AGAP2: variants seen among roughly 807,000 people sequenced by gnomAD.
AGAP2 encodes the protein arf-GAP with GTPase, ANK repeat and PH domain-containing protein 2.
AGAP2 carries 32 observed loss-of-function variants against 110.9 expected under a neutral mutation model. That is an observed-to-expected ratio of 0.29 (90% CI 0.22 to 0.39). The LOEUF (loss-of-function observed/expected upper bound fraction) is 0.39, where lower values mean the gene tolerates loss of function less well. Among genes scored for constraint, AGAP2 ranks in the 10% least tolerant of loss-of-function variants. The pLI is 1.00. For synonymous variants in AGAP2, 702 were observed against 713.0 expected (o/e 0.98, Z 0.25); for missense variants, 1,285 against 1,638.5 (o/e 0.78, Z 3.72).
At position 57,737,357 on chromosome 12, in the gene AGAP2, GGTGGGAGGGTTA is replaced by G; in HGVS notation, c.878_889del (p.Leu293_Pro296del). ...GACAGCAGTGGCTGGACTCGGAGTT[GGTGGGAGGGTTA>G]GCGGAGGAGGAGAGCCGGCAGGCGG... On this transcript the variant is annotated inframe_deletion, in exon 1 of 19. Transcript: ENST00000547588. This position sits in a 1 kb window ranked among gnomAD's most constrained non-coding sequence, Gnocchi z 5.9. The G allele has an allele frequency of 1.2e-6, 2 of 1,613,852 alleles. No homozygotes were observed. Among genetic ancestry groups the G allele is most frequent in the Non-Finnish European group, 1.7e-6 (2 of 1,179,830 alleles).
rs1489236186 is a variant in AGAP2 at position 57,734,125 on chromosome 12, C to T, written c.1450G>A (p.Glu484Lys). The T allele has an allele frequency of 6.2e-7, 1 of 1,613,538 alleles. No individual in the cohort carries two copies. The highest frequency in any genetic ancestry group is 8.5e-7 in the Non-Finnish European group (1 of 1,179,668). The change falls in exon 5 of 19, where the codon GAG becomes AAG. Residue 484 changes from glutamate (E) to lysine (K), a missense_variant. By Grantham distance (56) the Glu-to-Lys change is moderately conservative (BLOSUM62 1). This residue lies in a region of AGAP2 where 844 missense variants were observed against 941.2 expected (regional missense o/e 0.90). Coordinates refer to ENST00000547588, the MANE Select transcript of AGAP2 (RefSeq NM_001122772.3). ...AVIFVFSLED[E>K]NSFQAVSRLH... ...CGGCTCACAGCCTGGAAACTGTTCTCATCCTCCAGGCTGAAGACGAAGATC... is the reference window on the plus strand; with the variant it reads ...CGGCTCACAGCCTGGAAACTGTTCTTATCCTCCAGGCTGAAGACGAAGATC...
Position 57,726,568 on chromosome 12 carries a change from G to T in AGAP2, c.3563C>A (p.Pro1188Gln). The change falls in exon 19 of 19, where the codon CCG becomes CAG. Residue 1188 changes from proline to glutamine, a missense_variant. Pro to Gln is a moderately conservative substitution (Grantham distance 76, BLOSUM62 -1). This residue lies in a region of AGAP2 where 201 missense variants were observed against 276.1 expected (regional missense o/e 0.73). Coordinates refer to ENST00000547588, the MANE Select transcript of AGAP2 (RefSeq NM_001122772.3). The surrounding 1 kb of genome is among the most constrained non-coding windows in gnomAD (Gnocchi z 5.7). Reference protein sequence around the residue: ...SAASVGRADAPVALV With the variant: ...SAASVGRADAQVALV ...GCTGGGCAACTATACCAGCGCAACC[G>T]GGGCGTCGGCGCGGCCCACGCTAGC... is the stretch of plus-strand genomic sequence containing the variant. 1 of 1,209,818 alleles carries T rather than the reference G, an allele frequency of 8.3e-7. No individual in the cohort carries two copies. Among genetic ancestry groups the T allele is most frequent in the Non-Finnish European group, 1.0e-6 (1 of 972,852 alleles). 74.9% of individuals were successfully genotyped at this position (1,209,818 alleles called of 1,614,324 possible).
At chr12:57,735,915 A>C (rs1472491939) in intron 1 of AGAP2, among the ~76,000 whole-genome samples, 2 of 152,106 alleles carry the variant, frequency 1.3e-5, no homozygotes, top group Non-Finnish European at 2.9e-5. Flanking sequence ...CCCCTTCTTC[A>C]AGGTCAACGG....
rs766330272 is a variant in AGAP2 at position 57,737,821 on chromosome 12, G to C, written c.426C>G (p.Arg142=). The change falls in exon 1 of 19, where the codon CGC becomes CGG. Residue 142 remains arginine, a synonymous_variant. Coordinates refer to ENST00000547588, the MANE Select transcript of AGAP2 (RefSeq NM_001122772.3). The surrounding 1 kb of genome is among the most constrained non-coding windows in gnomAD (Gnocchi z 5.9). ...KPGGAPTSSR[R]PLLSSPSWGG... ...CCCAGCTCGGGCTGCTGAGCAGGGG[G>C]CGCCGGGAGGAGGTGGGGGCGCCCC... is the stretch of plus-strand genomic sequence containing the variant. 1.6e-4 allele frequency: 234 copies of C among 1,496,352 alleles called. 1 individual carries two copies. The highest frequency in any genetic ancestry group is 2.0e-4 in the Non-Finnish European group (225 of 1,133,476). 92.7% of individuals were successfully genotyped at this position (1,496,352 alleles called of 1,614,324 possible).
At position 57,726,425 on chromosome 12, in the gene AGAP2, G is replaced by A. The variant is rs1354732992; in HGVS notation, c.*127C>T. 6.2e-6 allele frequency: 6 copies of A among 967,010 alleles called. No individual in the cohort carries two copies. In the East Asian group the frequency reaches 2.0e-4, roughly 32 times the overall value. 59.9% of individuals were successfully genotyped at this position (967,010 alleles called of 1,614,324 possible). ...GGCGTGGGGGCTGTGCCCTCGTGGG[G>A]GTAGGAAGTGCTCCCGTGGGGCGGG... is the stretch of plus-strand genomic sequence containing the variant. On this transcript the variant is annotated 3_prime_UTR_variant, in exon 19 of 19. Transcript: ENST00000547588. This position sits in a 1 kb window ranked among gnomAD's most constrained non-coding sequence, Gnocchi z 5.7.
In AGAP2 at chr12:57,737,686, G is replaced by A. The variant is rs1455656775; in HGVS notation, c.561C>T (p.Pro187=). ...RLKVAPPPPA[P]KPCKTVTTSG... ...TCGTGGTCACGGTCTTGCAAGGCTT[G>A]GGAGCCGGCGGAGGAGGCGCCACCT... The change falls in exon 1 of 19, where the codon CCC becomes CCT. Residue 187 remains proline (P), a synonymous_variant. Transcript: ENST00000547588. This position sits in a 1 kb window ranked among gnomAD's most constrained non-coding sequence, Gnocchi z 5.9. The A allele has an allele frequency of 6.5e-7, 1 of 1,549,168 alleles. No individual in the cohort carries two copies. The highest frequency in any genetic ancestry group is 8.7e-7 in the Non-Finnish European group (1 of 1,149,292).
In AGAP2 at chr12:57,730,880, G is replaced by A. The variant is rs1293279944; in HGVS notation, c.2219C>T (p.Pro740Leu). ...GCCAAAGGCAGAGATGGCCCTCGGG[G>A]GCCGCTTGCCCGGGACTTTGACTGT... is the stretch of plus-strand genomic sequence containing the variant. Reference protein sequence around the residue: ...RTTVKVPGKRPPRAISAFGPS... With the variant: ...RTTVKVPGKRLPRAISAFGPS... The change falls in exon 11 of 19, where the codon CCC becomes CTC. Residue 740 changes from proline (P) to leucine (L), a missense_variant. By Grantham distance (98) the Pro-to-Leu change is moderately conservative (BLOSUM62 -3). Coordinates refer to ENST00000547588, the MANE Select transcript of AGAP2 (RefSeq NM_001122772.3). 1.2e-6 allele frequency: 2 copies of A among 1,610,756 alleles called. No individual in the cohort carries two copies. Among genetic ancestry groups the A allele is most frequent in the Admixed American group, 1.7e-5 (1 of 59,498 alleles).
chr12:57,737,422 G>A lies in AGAP2; in HGVS notation c.825C>T (p.Thr275=). 1 of 1,613,804 alleles carries A rather than the reference G, an allele frequency of 6.2e-7. No individual in the cohort carries two copies. Among genetic ancestry groups the A allele is most frequent in the South Asian group, 1.1e-5 (1 of 91,088 alleles). ...KLSPRKGKSK[T]LDNSDLHPGP... Reference sequence around the variant, plus strand: ...CCGGATGCAAGTCACTGTTGTCCAAGGTCTTACTCTTGCCTTTCCGAGGGG... The same window carrying A: ...CCGGATGCAAGTCACTGTTGTCCAAAGTCTTACTCTTGCCTTTCCGAGGGG... Residue 275 remains threonine, a synonymous_variant, in exon 1 of 19, where the codon ACC becomes ACT. Coordinates refer to ENST00000547588, the MANE Select transcript of AGAP2 (RefSeq NM_001122772.3). The surrounding 1 kb of genome is among the most constrained non-coding windows in gnomAD (Gnocchi z 5.9).
chr12:57,738,023 G>T lies in AGAP2; in HGVS notation c.224C>A (p.Ala75Glu). 6 of 1,516,046 alleles carry T rather than the reference G, an allele frequency of 4.0e-6. No homozygotes were observed. Among genetic ancestry groups the T allele is most frequent in the Non-Finnish European group, 5.3e-6 (6 of 1,137,892 alleles). The allele number at this position is 1,516,046 out of a possible 1,614,324, so 93.9% of individuals were successfully genotyped here. Residue 75 changes from alanine to glutamate, a missense_variant, in exon 1 of 19, where the codon GCG (alanine) becomes GAG (glutamate). Physicochemically the swap from Ala to Glu is moderately radical, Grantham distance 107 (BLOSUM62 -1). Transcript: ENST00000547588. The surrounding 1 kb of genome is among the most constrained non-coding windows in gnomAD (Gnocchi z 6.7). Reference protein sequence around the residue: ...RHERLFHRQDALWISTSSAGT... With the variant: ...RHERLFHRQDELWISTSSAGT... ...CGCGCTGCTCGTGCTGATCCACAGC[G>T]CATCCTGCCGGTGGAAGAGACGTTC...
In AGAP2 at chr12:57,727,463, G is replaced by A; in HGVS notation, c.2977C>T (p.Arg993Trp). The A allele has an allele frequency of 6.2e-7, 1 of 1,613,694 alleles. No individual in the cohort carries two copies. The highest frequency in any genetic ancestry group is 8.5e-7 in the Non-Finnish European group (1 of 1,179,926). The change falls in exon 17 of 19, where the codon CGG (arginine) becomes TGG (tryptophan). Residue 993 changes from arginine (R) to tryptophan (W), a missense_variant. Transcript: ENST00000547588. The part of the protein sequence containing the change: ...VRSLDLDDWP[R>W]ELTLVLTAIG... Reference sequence around the variant, plus strand: ...GCCGTCAGCACCAGGGTCAGCTCCCGTGGCCAGTCGTCCAAGTCCAGCGAG... The same window carrying A: ...GCCGTCAGCACCAGGGTCAGCTCCCATGGCCAGTCGTCCAAGTCCAGCGAG...
chr12:57,733,108 T>C, intron 5 of AGAP2, 129 bp from the exon 6 acceptor site: 1 of 1,230,146 alleles, frequency 8.1e-7, no homozygotes, highest in Non-Finnish European at 1.1e-6. Context: ...AGATCATCTT[T>C]TCTGTGACCA....
rs138992134 is a variant in AGAP2 at position 57,732,416 on chromosome 12, G to A, written c.1781C>T (p.Pro594Leu). The A allele has an allele frequency of 1.7e-5, 28 of 1,604,168 alleles. No individual in the cohort carries two copies. The South Asian group carries it at 2.0e-4, about 12-fold the overall frequency. ...SSPSHSAAST[P>L]VAGQASNGGH... ...ACCCCAACTCACCTGGCCAGCTACC[G>A]GAGTGGATGCAGCTGAGTGGCTTGG... Residue 594 changes from proline (P) to leucine (L), a missense_variant, in exon 7 of 19, where the codon CCG becomes CTG. Transcript: ENST00000547588.
chr12:57,732,192 G>A (rs1954898993), intron 7 of AGAP2, among the ~76,000 whole-genome samples: 1 of 152,150 alleles, frequency 6.6e-6, no homozygotes. Context: ...GATAGCCTTG[G>A]GAGGTTAGGT....
intron 15 of AGAP2, 54 bp from the exon 16 acceptor site, chr12:57,727,825 C>T: frequency 6.3e-7 from 1 of 1,580,198 alleles, no homozygotes. Context: ...CCACCTCCTT[C>T]TCAGACACCT....
rs1595088638 is a variant in AGAP2 at position 57,732,523 on chromosome 12, T to G, written c.1685-11A>C. On this transcript the variant is annotated splice_polypyrimidine_tract_variant and intron_variant, in intron 6 of 18. Coordinates refer to ENST00000547588, the MANE Select transcript of AGAP2 (RefSeq NM_001122772.3). ...CCACCTTCTGGGCCACTGAGGGGAGTTGACGGAAGGAGGTGTGAGCAGGCC... is the reference window on the plus strand; with the variant it reads ...CCACCTTCTGGGCCACTGAGGGGAGGTGACGGAAGGAGGTGTGAGCAGGCC... The G allele has an allele frequency of 5.7e-6, 9 of 1,574,414 alleles. No homozygotes were observed. In the East Asian group the frequency reaches 2.1e-4, roughly 37 times the overall value.
chr12:57,736,261 C>T (rs752423595), intron 1 of AGAP2, among the ~76,000 whole-genome samples: 1 of 152,130 alleles, frequency 6.6e-6, no homozygotes, highest in Non-Finnish European at 1.5e-5. Context: ...GGAGTGTGAG[C>T]CGAACCAAGA....
At position 57,737,671 on chromosome 12, in the gene AGAP2, G is replaced by A; in HGVS notation, c.576C>T (p.Thr192=). 1 of 1,549,066 alleles carries A rather than the reference G, an allele frequency of 6.5e-7. No individual in the cohort carries two copies. The highest frequency in any genetic ancestry group is 8.7e-7 in the Non-Finnish European group (1 of 1,148,276). ...PPPPAPKPCK[T]VTTSGAKAGG... is the part of the protein sequence containing the mutation. The stretch of plus-strand genomic sequence containing the variant: ...CGGCTTTGGCTCCACTCGTGGTCAC[G>A]GTCTTGCAAGGCTTGGGAGCCGGCG... Residue 192 remains threonine, a synonymous_variant, in exon 1 of 19, where the codon ACC becomes ACT. Coordinates refer to ENST00000547588, the MANE Select transcript of AGAP2 (RefSeq NM_001122772.3). The surrounding 1 kb of genome is among the most constrained non-coding windows in gnomAD (Gnocchi z 5.9).
At chr12:57,729,875 T>G (rs1334291792) in intron 12 of AGAP2, 108 bp from the exon 13 acceptor site, 14 of 1,438,290 alleles carry the variant, frequency 9.7e-6, no homozygotes, top group Non-Finnish European at 1.3e-5. Context: ...AGGGCTCCCC[T>G]CCTCAACTGT....
Position 57,737,059 on chromosome 12 carries a change from CA to C in AGAP2, c.1168+19del. 1.3e-6 allele frequency: 2 copies of C among 1,490,450 alleles called. No individual in the cohort carries two copies. Among genetic ancestry groups the C allele is most frequent in the Non-Finnish European group, 1.8e-6 (2 of 1,120,268 alleles). 92.3% of individuals were successfully genotyped at this position (1,490,450 alleles called of 1,614,324 possible). On this transcript the variant is annotated intron_variant, in intron 1 of 18. Transcript: ENST00000547588. The surrounding 1 kb of genome is among the most constrained non-coding windows in gnomAD (Gnocchi z 5.9). ...CCAGGTACCCTTCCCTCCCTGTTCT[CA>C]AGCCCTGACTCAACTCACTAGGGGA... is the stretch of plus-strand genomic sequence containing the variant.
Sources: allele counts gnomAD v4.1 joint callset (sites outside exome capture counted in the v4.1 genomes callset), GRCh38; gene constraint gnomAD v4.1.1; regional missense constraint gnomAD v4.1.1; non-coding constraint Gnocchi (gnomAD v3.1); transcripts MANE v1.5; gene names NCBI Gene and HGNC (gene_info 2026-07-23, HGNC 2026-07-21).